FHIP1A: variants seen among roughly 807,000 people sequenced by gnomAD.
The protein encoded by FHIP1A is FHF complex subunit HOOK-interacting protein 1A.
Under a neutral mutation model 88.6 loss-of-function variants are expected in FHIP1A, and 61 were observed. That is an observed-to-expected ratio of 0.69 (90% CI 0.56 to 0.85). The LOEUF (loss-of-function observed/expected upper bound fraction) is 0.85. Among genes scored for constraint, FHIP1A ranks in the 40% least tolerant of loss-of-function variants. The probability of loss-of-function intolerance (pLI) is 0.00; values close to 1 mark genes in which losing one functional copy is unlikely to be tolerated. For missense variants in FHIP1A, 1,154 were observed against 1,273.5 expected (o/e 0.91, Z 1.43); for synonymous variants, 478 against 496.0 (o/e 0.96, Z 0.48).
chr4:151,563,330 GT>G (rs1733247020), intron 3 of FHIP1A, among the ~76,000 whole-genome samples: 1 of 151,746 alleles, frequency 6.6e-6, no homozygotes, highest in African/African-American at 2.4e-5. Context: ...TGTGTTGGTG[GT>G]TTTTTTGAAG....
At chr4:151,633,930 C>A (rs1201796161) in intron 8 of FHIP1A, among the ~76,000 whole-genome samples, 1 of 151,772 alleles carries the variant, frequency 6.6e-6, no homozygotes, top group Non-Finnish European at 1.5e-5. Flanking sequence ...CTAGCCAGAG[C>A]AATTAGGCAA....
intron 1 of FHIP1A, among the ~76,000 whole-genome samples, chr4:151,450,952 A>G (rs561777205): frequency 2.0e-5 from 3 of 151,934 alleles, no homozygotes; most frequent in Admixed American, 2.0e-4. Context: ...TAATTTTTGT[A>G]TTTTTAATAG....
chr4:151,566,443 C>A, intron 4 of FHIP1A, 79 bp downstream of exon 4: 1 of 761,472 alleles, frequency 1.3e-6, no homozygotes, highest in Non-Finnish European at 2.2e-6. Flanking sequence ...GGTTTTCTAC[C>A]TCTGTGATAG....
Position 151,649,543 on chromosome 4 carries a change from T to G in FHIP1A, c.1502T>G (p.Leu501Arg). 6.4e-7 allele frequency: 1 copy of G among 1,551,726 alleles called. No individual in the cohort carries two copies. Among genetic ancestry groups the G allele is most frequent in the South Asian group, 1.2e-5 (1 of 84,062 alleles). Residue 501 changes from leucine (L) to arginine (R), a missense_variant, in exon 11 of 14, where the codon CTG (leucine) becomes CGG (arginine). Leu to Arg is a moderately radical substitution (Grantham distance 102, BLOSUM62 -2). Coordinates refer to ENST00000435205, the MANE Select transcript of FHIP1A (RefSeq NM_001109977.3). ...EYGKALDISY[L>R]QYLWEAHTNI... The stretch of plus-strand genomic sequence containing the variant: ...GGGAAAGCCCTGGACATCAGCTACC[T>G]GCAGTACCTGTGGGAGGCCCACACC...
chr4:151,496,585 A>C (rs970832364), intron 3 of FHIP1A, among the ~76,000 whole-genome samples: 1 of 152,104 alleles, frequency 6.6e-6, no homozygotes, highest in African/African-American at 2.4e-5. Context: ...GTCTCACTCT[A>C]TCACTCAGGC....
At chr4:151,549,097 A>C (rs113468754) in intron 3 of FHIP1A, among the ~76,000 whole-genome samples, 2,326 of 152,270 alleles carry the variant, frequency 0.015, 26 homozygotes, top group Non-Finnish European at 0.026. Context: ...TGTATGAGCC[A>C]GAGTGGCGGG....
chr4:151,483,443 T>C (rs1729970077), intron 3 of FHIP1A, among the ~76,000 whole-genome samples: 1 of 152,056 alleles, frequency 6.6e-6, no homozygotes, highest in African/African-American at 2.4e-5. Flanking sequence ...GGGCAGGACT[T>C]GGGAATCTGC....
chr4:151,426,481 C>T (rs1733380159), intron 1 of FHIP1A, among the ~76,000 whole-genome samples: 1 of 152,124 alleles, frequency 6.6e-6, no homozygotes, highest in Non-Finnish European at 1.5e-5. Context: ...AAAATCTCTT[C>T]ACTTGAAGTT....
At chr4:151,624,704 G>A (rs1442537661) in intron 7 of FHIP1A, among the ~76,000 whole-genome samples, 1 of 152,054 alleles carries the variant, frequency 6.6e-6, no homozygotes, top group Admixed American at 6.5e-5. Context: ...GAATAAATCA[G>A]CAAACTTGCT....
At chr4:151,503,256 G>C (rs1320180887) in intron 3 of FHIP1A, among the ~76,000 whole-genome samples, 1 of 152,194 alleles carries the variant, frequency 6.6e-6, no homozygotes, top group Non-Finnish European at 1.5e-5. Flanking sequence ...GCATACAGGG[G>C]AGGGAGTGAA....
At chr4:151,465,624 A>C (rs1030528214) in intron 2 of FHIP1A, among the ~76,000 whole-genome samples, 1 of 152,360 alleles carries the variant, frequency 6.6e-6, no homozygotes, top group South Asian at 2.1e-4. Flanking sequence ...AAAATCCTCA[A>C]TAAAATACTG....
intron 1 of FHIP1A, among the ~76,000 whole-genome samples, chr4:151,446,851 A>G (rs1263495682): frequency 6.6e-6 from 1 of 151,916 alleles, no homozygotes; most frequent in Non-Finnish European, 1.5e-5. Flanking sequence ...GCTGTTTTGG[A>G]GGTATCAGTC....
At chr4:151,634,513 C>A (rs559221828) in intron 8 of FHIP1A, among the ~76,000 whole-genome samples, 6 of 151,710 alleles carry the variant, frequency 4.0e-5, no homozygotes, top group Middle Eastern at 6.8e-3. Flanking sequence ...AAACATATTA[C>A]AAAGCTATAG....
intron 3 of FHIP1A, among the ~76,000 whole-genome samples, chr4:151,513,179 A>C (rs1731101503): frequency 6.6e-6 from 1 of 152,208 alleles, no homozygotes; most frequent in African/African-American, 2.4e-5. Flanking sequence ...TTTTCAACCC[A>C]GAATTTCATA....
intron 1 of FHIP1A, among the ~76,000 whole-genome samples, chr4:151,434,075 A>C (rs1733706142): frequency 6.6e-6 from 1 of 152,246 alleles, no homozygotes; most frequent in African/African-American, 2.4e-5. Context: ...AATCATGTTT[A>C]CGTTTTCACC....
Position 151,629,521 on chromosome 4 carries a change from A to G in FHIP1A, c.979-181A>G, listed in dbSNP as rs188082033. Among the ~76,000 whole-genome samples the G allele has an allele frequency of 2.1e-3, 315 of 152,308 alleles. 1 individual carries two copies. The highest frequency in any genetic ancestry group is 3.1e-3 in the Non-Finnish European group (211 of 68,028). ...TATTGAATTAAAGGGCGGAAACAGC[A>G]TGAGGTATTGTGGAATGTGAATAGG... is the stretch of plus-strand genomic sequence containing the variant. On this transcript the variant is annotated intron_variant, in intron 7 of 13. Coordinates refer to ENST00000435205, the MANE Select transcript of FHIP1A (RefSeq NM_001109977.3).
chr4:151,572,223 A>G (rs759587281), intron 4 of FHIP1A, among the ~76,000 whole-genome samples: 36 of 152,180 alleles, frequency 2.4e-4, no homozygotes, highest in Non-Finnish European at 3.8e-4. Flanking sequence ...TAAAAATTAA[A>G]ATAGAAATAC....
intron 3 of FHIP1A, among the ~76,000 whole-genome samples, chr4:151,535,209 C>T (rs1042509677): frequency 2.0e-5 from 3 of 152,150 alleles, no homozygotes; most frequent in East Asian, 1.9e-4. Flanking sequence ...GAGCAAGACC[C>T]TGTCTCAAAG....
intron 13 of FHIP1A, among the ~76,000 whole-genome samples, chr4:151,657,689 G>A (rs549114053): frequency 2.0e-5 from 3 of 152,346 alleles, no homozygotes; most frequent in Admixed American, 6.5e-5. Context: ...ACACAGACCA[G>A]TCAGGCTTCT....
Sources: allele counts gnomAD v4.1 joint callset (sites outside exome capture counted in the v4.1 genomes callset), GRCh38; gene constraint gnomAD v4.1.1; transcripts MANE v1.5; gene names NCBI Gene and HGNC (gene_info 2026-07-23, HGNC 2026-07-21).